The following VSTM4 variants were observed in gnomAD, a reference collection of about 807,000 sequenced individuals.
VSTM4 encodes V-set and transmembrane domain containing 4.
VSTM4 carries 20 observed loss-of-function variants against 36.4 expected under a neutral mutation model. That is an observed-to-expected ratio of 0.55 (90% CI 0.39 to 0.80). The LOEUF is 0.80. Ranked by LOEUF, VSTM4 falls within the 30% of genes least tolerant of loss-of-function variation. The probability of loss-of-function intolerance (pLI) is 0.00; values close to 1 mark genes in which losing one functional copy is unlikely to be tolerated. For synonymous variants in VSTM4, 182 were observed against 173.9 expected, an observed-to-expected ratio of 1.05 and a Z score of -0.37; for missense variants, 392 against 404.5, an observed-to-expected ratio of 0.97 and a Z score of 0.26.
At chr10:49,070,519 C>A (rs1436519515) in intron 4 of VSTM4, among the ~76,000 whole-genome samples, 1 of 152,142 alleles carries the variant, frequency 6.6e-6, no homozygotes, top group Admixed American at 6.5e-5. Context: ...GGTGAAGGGG[C>A]ACCCCAGGAA....
chr10:49,023,674 G>C (rs1031622392), intron 7 of VSTM4, among the ~76,000 whole-genome samples: 5 of 152,238 alleles, frequency 3.3e-5, no homozygotes, highest in Admixed American at 2.6e-4. Flanking sequence ...TTAAGCTAGG[G>C]AATCACTCCC....
At chr10:49,037,576 A>G (rs541127139) in intron 7 of VSTM4, among the ~76,000 whole-genome samples, 4 of 152,366 alleles carry the variant, frequency 2.6e-5, no homozygotes, top group East Asian at 3.9e-4. Context: ...CATTAGGGGT[A>G]AGACCAGTTC....
intron 1 of VSTM4, among the ~76,000 whole-genome samples, chr10:49,110,564 A>G (rs951999581): frequency 1.3e-5 from 2 of 152,162 alleles, no homozygotes; most frequent in African/African-American, 2.4e-5. Flanking sequence ...CATATGTTGA[A>G]GCGTTAGCCC....
intron 2 of VSTM4, among the ~76,000 whole-genome samples, chr10:49,104,465 G>T (rs1191887224): frequency 6.6e-6 from 1 of 152,192 alleles, no homozygotes; most frequent in Non-Finnish European, 1.5e-5. Flanking sequence ...GCTCTGCACA[G>T]CCCCAGCCTG....
chr10:49,052,946 CAT>C (rs1208522340), intron 5 of VSTM4, among the ~76,000 whole-genome samples: 1 of 152,182 alleles, frequency 6.6e-6, no homozygotes, highest in Non-Finnish European at 1.5e-5. Context: ...ACCACATTGA[CAT>C]AGGATAGACA....
At chr10:49,065,836 G>C (rs1478432512) in intron 4 of VSTM4, among the ~76,000 whole-genome samples, 2 of 152,122 alleles carry the variant, frequency 1.3e-5, no homozygotes, top group African/African-American at 2.4e-5. Context: ...AGTAAGATGA[G>C]AGAATCTCAG....
chr10:49,076,322 CTT>C (rs1844177468), intron 4 of VSTM4, among the ~76,000 whole-genome samples: 1 of 152,228 alleles, frequency 6.6e-6, no homozygotes, highest in African/African-American at 2.4e-5. Context: ...CTTTTGGTAA[CTT>C]AGTCCTCACT....
intron 7 of VSTM4, among the ~76,000 whole-genome samples, chr10:49,035,755 T>C (rs1209019778): frequency 6.6e-6 from 1 of 151,204 alleles, no homozygotes; most frequent in African/African-American, 2.4e-5. Context: ...GGAGGATCAG[T>C]TGAGCCCAGG....
At chr10:49,078,053 T>A (rs576118260) in intron 3 of VSTM4, among the ~76,000 whole-genome samples, 4 of 150,718 alleles carry the variant, frequency 2.7e-5, no homozygotes, top group Admixed American at 6.6e-5. Context: ...AACAATCCCA[T>A]GAGAAAATGT....
chr10:49,052,152 G>A (rs536656137), intron 5 of VSTM4, among the ~76,000 whole-genome samples: 1 of 152,168 alleles, frequency 6.6e-6, no homozygotes, highest in Non-Finnish European at 1.5e-5. Flanking sequence ...CCAGGTCATG[G>A]AAAAGGACCA....
intron 2 of VSTM4, chr10:49,103,098 A>G (rs1188512972): frequency 6.6e-6 from 1 of 152,430 alleles, no homozygotes. Context: ...ATTTGGGTAG[A>G]TCTTTGGACC....
intron 4 of VSTM4, among the ~76,000 whole-genome samples, chr10:49,075,553 C>T (rs1288513287): frequency 6.6e-6 from 1 of 152,266 alleles, no homozygotes; most frequent in Non-Finnish European, 1.5e-5. Flanking sequence ...CAAGAGTATT[C>T]AGGGGTTGAG....
At chr10:49,036,403 G>A (rs1246501284) in intron 7 of VSTM4, among the ~76,000 whole-genome samples, 1 of 152,172 alleles carries the variant, frequency 6.6e-6, no homozygotes, top group Non-Finnish European at 1.5e-5. Flanking sequence ...ACATGTGGTT[G>A]TGGCTTTTTT....
intron 4 of VSTM4, among the ~76,000 whole-genome samples, chr10:49,071,828 AGG>A (rs1844084933): frequency 6.6e-6 from 1 of 152,188 alleles, no homozygotes; most frequent in South Asian, 2.1e-4. Flanking sequence ...CACATGCAGG[AGG>A]GGTTGGGTCT....
At chr10:49,114,180 C>T (rs1227678161) in intron 1 of VSTM4, among the ~76,000 whole-genome samples, 1 of 152,068 alleles carries the variant, frequency 6.6e-6, no homozygotes, top group Non-Finnish European at 1.5e-5. Context: ...GTACATTTCC[C>T]GCAGCAAGGA....
Position 49,046,971 on chromosome 10 carries a change from A to G in VSTM4, c.837+12T>C. The stretch of plus-strand genomic sequence containing the variant: ...TTAAGGTATGATAGGAATACAGAAG[A>G]CGGTTACTTACCAGCGTGACTTTTC... On this transcript the variant is annotated intron_variant, in intron 7 of 7. Transcript: ENST00000332853. The G allele has an allele frequency of 6.2e-7, 1 of 1,613,082 alleles. No homozygotes were observed. Among genetic ancestry groups the G allele is most frequent in the Non-Finnish European group, 8.5e-7 (1 of 1,179,188 alleles).
intron 5 of VSTM4, among the ~76,000 whole-genome samples, chr10:49,054,626 G>A (rs1307949407): frequency 6.6e-6 from 1 of 152,224 alleles, no homozygotes; most frequent in Admixed American, 6.5e-5. Context: ...GCAGAAGGCG[G>A]GGAGCAGTTT....
chr10:49,043,976 G>A (rs1196391106), intron 7 of VSTM4, among the ~76,000 whole-genome samples: 1 of 152,162 alleles, frequency 6.6e-6, no homozygotes, highest in African/African-American at 2.4e-5. Context: ...TTTTTTGGTA[G>A]TGCTGTCTTT....
chr10:49,051,527 C>T (rs1394113451), intron 5 of VSTM4, among the ~76,000 whole-genome samples: 8 of 152,050 alleles, frequency 5.3e-5, no homozygotes, highest in South Asian at 4.2e-4. Context: ...TCCCGAGTAC[C>T]GGGGATTACA....
Sources: allele counts gnomAD v4.1 joint callset (sites outside exome capture counted in the v4.1 genomes callset), GRCh38; gene constraint gnomAD v4.1.1; transcripts MANE v1.5; gene names NCBI Gene and HGNC (gene_info 2026-07-23, HGNC 2026-07-21).